INTS1: variants seen among roughly 807,000 people sequenced by gnomAD.
The protein encoded by INTS1 is integrator complex subunit 1.
INTS1 carries 137 observed loss-of-function variants against 241.6 expected under a neutral mutation model. The ratio of observed to expected loss-of-function variants is 0.57; its 90% confidence interval spans 0.49 to 0.65. The LOEUF (loss-of-function observed/expected upper bound fraction) is 0.65, where lower values mean the gene tolerates loss of function less well. Ranked by LOEUF, INTS1 falls within the 30% of genes least tolerant of loss-of-function variation. INTS1 has a pLI of 0.00. For missense variants in INTS1, 3,073 were observed against 3,032.2 expected (o/e 1.01, Z -0.32); for synonymous variants, 1,692 against 1,337.8 (o/e 1.26, Z -5.78).
intron 18 of INTS1, 116 bp from the exon 19 acceptor site, chr7:1,488,073 A>C (rs1782362873): frequency 8.9e-7 from 1 of 1,118,860 alleles, no homozygotes; most frequent in Non-Finnish European, 1.3e-6. Context: ...CCTCTGCTGC[A>C]CAGCAGTCAG....
chr7:1,503,869 A>ACCCCCAAAGACCCCCAAAGT (rs1190068149), intron 2 of INTS1, 34 bp downstream of exon 2: 1 of 1,482,178 alleles, frequency 6.7e-7, no homozygotes, highest in African/African-American at 1.5e-5. Flanking sequence ...ACCCCCAAAG[A>ACCCCCAAAGACCCCCAAAGT]CCCCCGGGCT....
chr7:1,472,972 G>T, intron 43 of INTS1, 100 bp downstream of exon 43: 1 of 725,076 alleles, frequency 1.4e-6, no homozygotes, highest in Non-Finnish European at 2.2e-6. Flanking sequence ...CCCCCATCGG[G>T]ACGCCTCGGA....
rs137885853 is a variant in INTS1 at position 1,478,076 on chromosome 7, G to T, written c.4631-140C>A. 3.7e-3 allele frequency: 2,814 copies of T among 768,530 alleles called. 45 individuals carry two copies. The African/African-American group carries it at 0.037, about 10-fold the overall frequency. 47.6% of individuals were successfully genotyped at this position (768,530 alleles called of 1,614,324 possible). On this transcript the variant is annotated intron_variant, in intron 33 of 47. Coordinates refer to ENST00000404767, the MANE Select transcript of INTS1 (RefSeq NM_001080453.3). The stretch of plus-strand genomic sequence containing the variant: ...AGAGTCCAGCCGGAGCCAGAGAGGA[G>T]AGTGCAGCCGGGGCCGGAGAGGAGA...
At chr7:1,502,385 G>C (rs546349328) in intron 3 of INTS1, among the ~76,000 whole-genome samples, 2 of 152,110 alleles carry the variant, frequency 1.3e-5, no homozygotes, top group South Asian at 2.1e-4. Context: ...CTGCGAGAAC[G>C]GGACAGTGGT....
chr7:1,499,141 C>G lies in INTS1; in HGVS notation c.971G>C (p.Ser324Thr). 1 of 1,610,982 alleles carries G rather than the reference C, an allele frequency of 6.2e-7. No individual in the cohort carries two copies. Reference protein sequence around the residue: ...LMPRYEELAESVEEYVLDMLR... With the variant: ...LMPRYEELAETVEEYVLDMLR... ...CATGTCCAGGACATACTCCTCCACG[C>G]TCTCCGCGAGCTCTTCGTACCTAGG... The change falls in exon 8 of 48, where the codon AGC (serine) becomes ACC (threonine). Residue 324 changes from serine (S) to threonine (T), a missense_variant. Ser to Thr is a moderately conservative substitution (Grantham distance 58). Coordinates refer to ENST00000404767, the MANE Select transcript of INTS1 (RefSeq NM_001080453.3).
intron 13 of INTS1, among the ~76,000 whole-genome samples, 158 bp downstream of exon 13, chr7:1,495,275 G>A (rs895219999): frequency 3.3e-5 from 5 of 152,084 alleles, no homozygotes; most frequent in Non-Finnish European, 7.4e-5. Flanking sequence ...CCGTGTGGGG[G>A]CCTGGCTTGT....
At position 1,476,268 on chromosome 7, in the gene INTS1, G is replaced by A. The variant is rs759921994; in HGVS notation, c.5339C>T (p.Thr1780Met). 1.1e-5 allele frequency: 17 copies of A among 1,574,638 alleles called. No individual in the cohort carries two copies. The highest frequency in any genetic ancestry group is 5.5e-5 in the Admixed American group (3 of 54,358). The change falls in exon 38 of 48, where the codon ACG (threonine) becomes ATG (methionine). Residue 1780 changes from threonine (T) to methionine (M), a missense_variant. Physicochemically the swap from Thr to Met is moderately conservative, Grantham distance 81. Transcript: ENST00000404767. ...CGDDESVRKV[T>M]EHLSGCIQQW... is the part of the protein sequence containing the mutation. Reference sequence around the variant, plus strand: ...CTGGATGCAGCCTGACAGGTGCTCCGTCACCTTCCTGACACTCTCATCGTC... The same window carrying A: ...CTGGATGCAGCCTGACAGGTGCTCCATCACCTTCCTGACACTCTCATCGTC...
chr7:1,496,042 C>A, intron 12 of INTS1, 114 bp downstream of exon 12: 1 of 746,434 alleles, frequency 1.3e-6, no homozygotes, highest in Admixed American at 2.5e-5. Flanking sequence ...AGCCGTGCTG[C>A]GGGACCGCTC....
At chr7:1,482,868 A>T in intron 26 of INTS1, 161 bp from the exon 27 acceptor site, 1 of 780,954 alleles carries the variant, frequency 1.3e-6, no homozygotes, top group Middle Eastern at 2.6e-4. Context: ...CTATGTGCGG[A>T]TGCTTTGCGT....
At chr7:1,485,902 T>C (rs924320033) in intron 22 of INTS1, among the ~76,000 whole-genome samples, 1 of 152,214 alleles carries the variant, frequency 6.6e-6, no homozygotes, top group Non-Finnish European at 1.5e-5. Flanking sequence ...CAAGTGATTC[T>C]CCCATCTCAG....
chr7:1,489,946 G>T (rs140880000), intron 16 of INTS1, among the ~76,000 whole-genome samples: 1 of 151,958 alleles, frequency 6.6e-6, no homozygotes, highest in Non-Finnish European at 1.5e-5. Flanking sequence ...CATAATAAAC[G>T]TTCATTAAGT....
chr7:1,480,802 G>C (rs1008346327), intron 29 of INTS1, 33 bp downstream of exon 29: 69 of 1,506,884 alleles, frequency 4.6e-5, no homozygotes, highest in Non-Finnish European at 6.2e-5. Flanking sequence ...CCCCAGGCTG[G>C]GTCTCTGTGC....
chr7:1,473,783 C>T (rs892787460), intron 41 of INTS1, 90 bp from the exon 42 acceptor site: 2 of 1,515,512 alleles, frequency 1.3e-6, no homozygotes, highest in Admixed American at 1.8e-5. Context: ...AGCCTCAGGG[C>T]ATGGACCCCA....
intron 22 of INTS1, 125 bp downstream of exon 22, chr7:1,486,500 G>A: frequency 1.9e-6 from 2 of 1,072,060 alleles, no homozygotes; most frequent in Non-Finnish European, 2.7e-6. Flanking sequence ...CCTGACCTCA[G>A]GTAATCTGCC....
chr7:1,493,002 G>A lies in INTS1; in HGVS notation c.2165+8C>T. 1 of 1,609,580 alleles carries A rather than the reference G, an allele frequency of 6.2e-7. No homozygotes were observed. Among genetic ancestry groups the A allele is most frequent in the Non-Finnish European group, 8.5e-7 (1 of 1,176,656 alleles). ...CGGGCGGGAGTGGGGAGCGGGGCGT[G>A]GGCTTACCCCGGTGGGAGCTGGATG... On this transcript the variant is annotated splice_region_variant and intron_variant, in intron 16 of 47. Coordinates refer to ENST00000404767, the MANE Select transcript of INTS1 (RefSeq NM_001080453.3). The surrounding 1 kb of genome is among the most constrained non-coding windows in gnomAD (Gnocchi z 5.3).
rs1451371534 is a variant in INTS1, at chr7:1,472,304, C to G, written c.6153G>C (p.Met2051Ile). The change falls in exon 44 of 48, where the codon ATG (methionine) becomes ATC (isoleucine). Residue 2051 changes from methionine to isoleucine, a missense_variant. Coordinates refer to ENST00000404767, the MANE Select transcript of INTS1 (RefSeq NM_001080453.3). ...PLTAAEMAPY[M>I]KRLSRGQTVE... The stretch of plus-strand genomic sequence containing the variant: ...CCGTTTGGCCCCGGGAAAGCCGTTT[C>G]ATGTAGGGGGCCATCTCGGCCGCGG... 1.3e-6 allele frequency: 2 copies of G among 1,565,214 alleles called. No homozygotes were observed. The highest frequency in any genetic ancestry group is 2.7e-5 in the African/African-American group (2 of 73,858).
At chr7:1,502,713 C>T (rs151276598) in intron 3 of INTS1, among the ~76,000 whole-genome samples, 188 bp downstream of exon 3, 1 of 152,178 alleles carries the variant, frequency 6.6e-6, no homozygotes, top group Non-Finnish European at 1.5e-5. Context: ...CAGTGCAGGA[C>T]GCAGATGCAC....
chr7:1,474,590 GAAC>G, intron 40 of INTS1, 112 bp downstream of exon 40: 7 of 1,392,076 alleles, frequency 5.0e-6, no homozygotes, highest in Non-Finnish European at 5.8e-6. Context: ...CAGCCCATGG[GAAC>G]ATGCTTTTTT....
intron 24 of INTS1, among the ~76,000 whole-genome samples, chr7:1,484,627 G>C (rs1054455919): frequency 6.6e-6 from 1 of 152,198 alleles, no homozygotes; most frequent in African/African-American, 2.4e-5. Flanking sequence ...CAGCGGGCAG[G>C]TGCCCAGCGA....
Sources: gnomAD v4.1 joint callset for allele counts (sites outside exome capture counted in the v4.1 genomes callset) on GRCh38, gnomAD v4.1.1 for gene constraint, Gnocchi (gnomAD v3.1) non-coding constraint, MANE v1.5 for transcripts, NCBI Gene and HGNC (gene_info 2026-07-23, HGNC 2026-07-21) for gene names.